The following CDKAL1 variants were observed in gnomAD, a reference collection of about 807,000 sequenced individuals.
The protein encoded by CDKAL1 is threonylcarbamoyladenosine tRNA methylthiotransferase.
In CDKAL1, 32 loss-of-function variants were observed where a neutral mutation model predicts 68.2. The ratio of observed to expected loss-of-function variants is 0.47; its 90% CI spans 0.35 to 0.63. The LOEUF (loss-of-function observed/expected upper bound fraction) is 0.63, where lower values mean the gene tolerates loss of function less well. Among genes scored for constraint, CDKAL1 ranks in the 30% least tolerant of loss-of-function variants. The probability of loss-of-function intolerance (pLI) is 0.00; values close to 1 mark genes in which losing one functional copy is unlikely to be tolerated. For synonymous variants in CDKAL1, 234 were observed against 244.3 expected, an observed-to-expected ratio of 0.96 and a Z score of 0.39; for missense variants, 606 against 696.7, an observed-to-expected ratio of 0.87 and a Z score of 1.47.
chr6:21,218,868 C>G (rs780055761), intron 15 of CDKAL1, among the ~76,000 whole-genome samples: 1 of 152,110 alleles, frequency 6.6e-6, no homozygotes, highest in Non-Finnish European at 1.5e-5. Context: ...GGTGTGAATA[C>G]CAGGAGGCGA....
At chr6:20,688,409 G>A (rs1386473635) in intron 5 of CDKAL1, among the ~76,000 whole-genome samples, 1 of 151,150 alleles carries the variant, frequency 6.6e-6, no homozygotes, top group African/African-American at 2.4e-5. Flanking sequence ...TGAATATTCT[G>A]TTGAGAGGTT....
intron 9 of CDKAL1, among the ~76,000 whole-genome samples, chr6:20,853,741 A>G (rs987153109): frequency 1.3e-5 from 2 of 152,180 alleles, no homozygotes; most frequent in African/African-American, 4.8e-5. Flanking sequence ...GGTGACTGCA[A>G]TGATAGTCAG....
intron 11 of CDKAL1, among the ~76,000 whole-genome samples, chr6:21,062,503 AAT>A (rs1445650816): frequency 3.9e-5 from 6 of 152,330 alleles, no homozygotes; most frequent in African/African-American, 7.2e-5. Context: ...TAAAGAAAAA[AAT>A]ATGTTTATAT....
intron 5 of CDKAL1, among the ~76,000 whole-genome samples, chr6:20,732,283 T>TTTTTTTTTTTTTTTTTTTTTTG (rs1554112044): frequency 8.5e-6 from 1 of 117,486 alleles, no homozygotes; most frequent in Non-Finnish European, 1.8e-5. Flanking sequence ...TTTTTTTTTT[T>TTTTTTTTTTTTTTTTTTTTTTG]TTGTTGTTGT....
intron 12 of CDKAL1, among the ~76,000 whole-genome samples, chr6:21,083,118 G>A (rs928521540): frequency 1.3e-4 from 20 of 151,844 alleles, no homozygotes; most frequent in Non-Finnish European, 1.8e-4. Context: ...CACTTGCTTC[G>A]GCCTCCCAAA....
chr6:20,953,697 G>A (rs1378487854), intron 9 of CDKAL1, among the ~76,000 whole-genome samples: 2 of 152,236 alleles, frequency 1.3e-5, no homozygotes, highest in East Asian at 3.9e-4. Flanking sequence ...CGTGTACAGA[G>A]AATATTTATA....
chr6:20,936,486 G>A (rs1016114444), intron 9 of CDKAL1, among the ~76,000 whole-genome samples: 1 of 150,980 alleles, frequency 6.6e-6, no homozygotes, highest in Admixed American at 6.6e-5. Flanking sequence ...TCCTGACCTC[G>A]TGATCCGCCC....
intron 8 of CDKAL1, among the ~76,000 whole-genome samples, chr6:20,789,236 A>G (rs553611448): frequency 6.6e-6 from 1 of 152,320 alleles, no homozygotes; most frequent in East Asian, 1.9e-4. Context: ...ACGGAATCCC[A>G]AAATATCTTA....
intron 4 of CDKAL1, among the ~76,000 whole-genome samples, chr6:20,598,646 C>T (rs141269762): frequency 6.6e-6 from 1 of 152,246 alleles, no homozygotes; most frequent in South Asian, 2.1e-4. Flanking sequence ...TCAAATTAAA[C>T]ATTTCAAGTA....
rs79748888 is a variant in CDKAL1, at chr6:20,710,276, A to T, written c.372-29243A>T. 9.9e-5 allele frequency among the ~76,000 whole-genome samples: 15 copies of T among 152,280 alleles called. No individual in the cohort carries two copies. In the East Asian group the frequency reaches 2.5e-3, roughly 25 times the overall value. On this transcript the variant is annotated intron_variant, in intron 5 of 15. Coordinates refer to ENST00000274695, the MANE Select transcript of CDKAL1 (RefSeq NM_017774.3). ...AGTAGGTACAGTCATGTGTCCCATG[A>T]TCCCGTGATGTTTCAGCCATTGAGA...
intron 4 of CDKAL1, among the ~76,000 whole-genome samples, chr6:20,606,278 A>G (rs1376516608): frequency 1.3e-5 from 2 of 152,180 alleles, no homozygotes; most frequent in African/African-American, 2.4e-5. Context: ...AGTTAAAAAA[A>G]TTTTTCTGCG....
chr6:20,921,788 C>T (rs1710991137), intron 9 of CDKAL1, among the ~76,000 whole-genome samples: 1 of 152,150 alleles, frequency 6.6e-6, no homozygotes, highest in African/African-American at 2.4e-5. Flanking sequence ...CTTATTCTTC[C>T]TACTTGGCCA....
At chr6:21,126,000 T>A (rs1562052282) in intron 13 of CDKAL1, among the ~76,000 whole-genome samples, 1 of 152,208 alleles carries the variant, frequency 6.6e-6, no homozygotes, top group Non-Finnish European at 1.5e-5. Context: ...ACATAACAGA[T>A]GTTCAATCAA....
At chr6:21,132,843 G>T (rs575164013) in intron 13 of CDKAL1, among the ~76,000 whole-genome samples, 57 of 152,204 alleles carry the variant, frequency 3.7e-4, no homozygotes, top group African/African-American at 1.4e-3. Flanking sequence ...TTTAGTGGCT[G>T]TTAGGAAGTC....
intron 5 of CDKAL1, among the ~76,000 whole-genome samples, chr6:20,694,440 G>A (rs1771024004): frequency 6.6e-6 from 1 of 152,150 alleles, no homozygotes; most frequent in African/African-American, 2.4e-5. Flanking sequence ...ATCTCTACCT[G>A]TGCATCAGGA....
intron 9 of CDKAL1, among the ~76,000 whole-genome samples, chr6:20,893,220 G>T (rs1581778992): frequency 6.6e-6 from 1 of 152,290 alleles, no homozygotes; most frequent in East Asian, 1.9e-4. Flanking sequence ...TTGGGGTTTT[G>T]ACTGGAGTCA....
intron 15 of CDKAL1, among the ~76,000 whole-genome samples, chr6:21,212,860 A>G (rs1330214455): frequency 6.6e-6 from 1 of 152,152 alleles, no homozygotes; most frequent in East Asian, 1.9e-4. Context: ...AGAAACAGAA[A>G]TTTTCAATCC....
intron 12 of CDKAL1, among the ~76,000 whole-genome samples, chr6:21,072,253 A>T (rs999772098): frequency 6.6e-6 from 1 of 152,162 alleles, no homozygotes; most frequent in Non-Finnish European, 1.5e-5. Context: ...AACATTGATA[A>T]ATGTCTAGAA....
chr6:21,069,804 T>TTTTTC (rs60342057), intron 12 of CDKAL1, among the ~76,000 whole-genome samples: 1 of 85,476 alleles, frequency 1.2e-5, no homozygotes, highest in African/African-American at 4.1e-5. Context: ...TTTTTTTTTT[T>TTTTTC]AAAACAGAGC....
Sources: gnomAD v4.1 joint callset for allele counts (sites outside exome capture counted in the v4.1 genomes callset) on GRCh38, gnomAD v4.1.1 for gene constraint, MANE v1.5 for transcripts, NCBI Gene and HGNC (gene_info 2026-07-23, HGNC 2026-07-21) for gene names.